The following PAX8 variants were observed in gnomAD, a reference collection of about 807,000 sequenced individuals.
PAX8 encodes paired box 8.
PAX8 carries 15 observed loss-of-function variants against 52.4 expected under a neutral mutation model. The observed-to-expected ratio is 0.29, with a 90% CI of 0.19 to 0.44. The LOEUF is 0.44. PAX8 is among the 20% of genes least tolerant of loss of function. PAX8 has a pLI of 1.00. For missense variants in PAX8, 554 were observed against 602.5 expected (o/e 0.92, Z 0.84); for synonymous variants, 284 against 249.7 (o/e 1.14, Z -1.29).
intron 2 of PAX8, chr2:113,270,539 A>G (rs1693399094): frequency 6.6e-6 from 1 of 152,168 alleles, no homozygotes; most frequent in Non-Finnish European, 1.5e-5. Flanking sequence ...TTCTCTTGAC[A>G]CCTCATGGCC....
At chr2:113,262,533 G>A (rs1378573163) in intron 2 of PAX8, among the ~76,000 whole-genome samples, 3 of 152,126 alleles carry the variant, frequency 2.0e-5, no homozygotes, top group South Asian at 2.1e-4. Context: ...GGACTGAAAC[G>A]GACTAAGGAG....
At chr2:113,236,857 C>T (rs1460136886) in intron 7 of PAX8, 136 bp from the exon 8 acceptor site, 4 of 993,736 alleles carry the variant, frequency 4.0e-6, no homozygotes, top group East Asian at 2.8e-5. Context: ...TCTTCCTTTA[C>T]GTTCTCAACT....
Position 113,235,576 on chromosome 2 carries a change from T to G in PAX8, c.905A>C (p.His302Pro), listed in dbSNP as rs758700197. 6.2e-7 allele frequency: 1 copy of G among 1,608,312 alleles called. No homozygotes were observed. The highest frequency in any genetic ancestry group is 8.5e-7 in the Non-Finnish European group (1 of 1,176,606). Reference protein sequence around the residue: ...HQTYPVVADPHSPFAIKQETP... With the variant: ...HQTYPVVADPPSPFAIKQETP... ...TTCCTGCTTTATGGCGAAGGGTGAG[T>G]GAGGATCTGCCGGAGGGAGGGAGAC... The change falls in exon 9 of 12, where the codon CAC becomes CCC. Residue 302 changes from histidine to proline, a missense_variant. His to Pro is a moderately conservative substitution (Grantham distance 77). This residue lies in a region of PAX8 where 445 missense variants were observed against 409.9 expected (regional missense o/e 1.09). Transcript: ENST00000429538.
At chr2:113,228,454 G>A (rs1253027389) in intron 9 of PAX8, among the ~76,000 whole-genome samples, 3 of 152,258 alleles carry the variant, frequency 2.0e-5, no homozygotes, top group African/African-American at 7.2e-5. Context: ...ATGTTAGGCT[G>A]CACAATTCTT....
chr2:113,254,771 T>C (rs1265920715), intron 2 of PAX8, among the ~76,000 whole-genome samples: 2 of 152,182 alleles, frequency 1.3e-5, no homozygotes, highest in African/African-American at 4.8e-5. Flanking sequence ...TTGCCATTCT[T>C]TCGCTGCATC....
chr2:113,220,015 A>C (rs1442196807), intron 11 of PAX8, 77 bp downstream of exon 11: 3 of 1,009,588 alleles, frequency 3.0e-6, no homozygotes, highest in East Asian at 5.2e-5. Flanking sequence ...GCTTTCAGGT[A>C]ACCTTTGACC....
In PAX8 at chr2:113,216,224, T is replaced by C. The variant is rs1077855; in HGVS notation, c.*2309A>G. On this transcript the variant is annotated 3_prime_UTR_variant, in exon 12 of 12. Transcript: ENST00000429538. ...AGATGTCATGGATTCGGAGTCGCGCTGCAGAGGGAAGTTCTGCCATTGAAA... is the reference window on the plus strand; with the variant it reads ...AGATGTCATGGATTCGGAGTCGCGCCGCAGAGGGAAGTTCTGCCATTGAAA... 175,669 of 230,346 alleles carry C rather than the reference T, an allele frequency of 0.76. 67,340 individuals carry two copies. Among genetic ancestry groups the C allele is most frequent in the East Asian group, 0.94 (15,274 of 16,244 alleles). The allele number at this position is 230,346 out of a possible 1,614,324, so 14.3% of individuals were successfully genotyped here. A position where few individuals can be genotyped will look rare whatever the true frequency, so the allele number is the denominator to read the frequency against.
At chr2:113,231,465 A>T (rs977853344) in intron 9 of PAX8, among the ~76,000 whole-genome samples, 1 of 152,260 alleles carries the variant, frequency 6.6e-6, no homozygotes, top group African/African-American at 2.4e-5. Context: ...GCTGAGACTC[A>T]GAAGGATAGT....
At chr2:113,238,299 T>G (rs1327337850) in intron 7 of PAX8, 1 of 152,376 alleles carries the variant, frequency 6.6e-6, no homozygotes, top group Non-Finnish European at 1.5e-5. Context: ...CTTAAACTCC[T>G]GACCTCATGA....
chr2:113,265,044 G>C (rs1222831506), intron 2 of PAX8, among the ~76,000 whole-genome samples: 2 of 152,224 alleles, frequency 1.3e-5, no homozygotes, highest in Non-Finnish European at 2.9e-5. Flanking sequence ...AAAAGGAAGT[G>C]CAAGGAGAAA....
At position 113,252,209 on chromosome 2, in the gene PAX8, G is replaced by C. The variant is rs886162289; in HGVS notation, c.26-5290C>G. On this transcript the variant is annotated intron_variant, in intron 2 of 11. Coordinates refer to ENST00000429538, the MANE Select transcript of PAX8 (RefSeq NM_003466.4). ...AAGGTGATAGCTGAGCCTTGGCAGGGCTATAGTGAGAGGTGCAGTGGCCTC... is the reference window on the plus strand; with the variant it reads ...AAGGTGATAGCTGAGCCTTGGCAGGCCTATAGTGAGAGGTGCAGTGGCCTC... 2.6e-5 allele frequency among the ~76,000 whole-genome samples: 4 copies of C among 152,192 alleles called. No individual in the cohort carries two copies. The East Asian group carries it at 7.7e-4, about 29-fold the overall frequency.
At position 113,235,464 on chromosome 2, in the gene PAX8, G is replaced by C. The variant is rs761250150; in HGVS notation, c.1017C>G (p.Val339=). The change falls in exon 9 of 12, where the codon GTC becomes GTG. Residue 339 remains valine, a synonymous_variant. Coordinates refer to ENST00000429538, the MANE Select transcript of PAX8 (RefSeq NM_003466.4). ...CATGGGGAAAGGCATTGAAGGGCGG[G>C]ACCCCGGAGCCGACTTGCTGCAGAT... ...FLDLQQVGSG[V]PPFNAFPHAA... is the part of the protein sequence containing the mutation. 2.5e-6 allele frequency: 4 copies of C among 1,612,522 alleles called. No individual in the cohort carries two copies. The highest frequency in any genetic ancestry group is 2.2e-5 in the East Asian group (1 of 44,854).
intron 10 of PAX8, 49 bp downstream of exon 10, chr2:113,227,106 C>T (rs1460732015): frequency 1.9e-6 from 3 of 1,544,974 alleles, no homozygotes; most frequent in Admixed American, 2.0e-5. Context: ...CACCTTGCTC[C>T]AATACTTCCT....
rs973658420 is a variant in PAX8 at position 113,220,034 on chromosome 2, C to A, written c.1276+58G>T. Reference sequence around the variant, plus strand: ...TCAGGTAACCTTTGACCCACCCTTGCCCCCCACCACTCCATCCATCCTGCC... The same window carrying A: ...TCAGGTAACCTTTGACCCACCCTTGACCCCCACCACTCCATCCATCCTGCC... On this transcript the variant is annotated intron_variant, in intron 11 of 11. Coordinates refer to ENST00000429538, the MANE Select transcript of PAX8 (RefSeq NM_003466.4). 14 of 1,289,588 alleles carry A rather than the reference C, an allele frequency of 1.1e-5. 1 individual carries two copies. The highest frequency in any genetic ancestry group is 3.6e-4 in the Middle Eastern group (2 of 5,504). The allele number at this position is 1,289,588 out of a possible 1,614,324, so 79.9% of individuals were successfully genotyped here.
chr2:113,242,189 G>A, intron 5 of PAX8, 59 bp from the exon 6 acceptor site: 1 of 1,522,450 alleles, frequency 6.6e-7, no homozygotes, highest in East Asian at 2.3e-5. Flanking sequence ...ACAGCCCTGG[G>A]TGACTCTGGG....
chr2:113,255,299 AGGGGAGGAGG>A (rs1692168109), intron 2 of PAX8: 2 of 7,636 alleles, frequency 2.6e-4, no homozygotes, highest in Admixed American at 4.0e-3. Flanking sequence ...GGGAGGAGGG[AGGGGAGGAGG>A]GAGGGGAGGA....
intron 9 of PAX8, among the ~76,000 whole-genome samples, chr2:113,228,178 T>C (rs891493041): frequency 1.3e-5 from 2 of 152,086 alleles, no homozygotes; most frequent in African/African-American, 4.8e-5. Context: ...ACAATGAACA[T>C]AAACATGATC....
At chr2:113,240,122 C>G (rs560447083) in intron 7 of PAX8, 1 of 152,312 alleles carries the variant, frequency 6.6e-6, no homozygotes, top group Non-Finnish European at 1.5e-5. Context: ...TGCCTGCACA[C>G]TGAGTTTTGC....
Position 113,246,825 on chromosome 2 carries a change from C to T in PAX8, c.120G>A (p.Gln40=), listed in dbSNP as rs770223070. The change falls in exon 3 of 12, where the codon CAG becomes CAA. Residue 40 remains glutamine (Q), a synonymous_variant. Transcript: ENST00000429538. ...VRQRIVDLAH[Q]GVRPCDISRQ... is the part of the protein sequence containing the mutation. ...GAGAGATGTCGCAGGGCCTTACACC[C>T]TGGTGGGCCAGGTCTACGATGCGCT... 2.5e-6 allele frequency: 4 copies of T among 1,614,258 alleles called. No individual in the cohort carries two copies. Among genetic ancestry groups the T allele is most frequent in the Non-Finnish European group, 3.4e-6 (4 of 1,180,040 alleles).
Sources: allele counts gnomAD v4.1 joint callset (sites outside exome capture counted in the v4.1 genomes callset), GRCh38; gene constraint gnomAD v4.1.1; regional missense constraint gnomAD v4.1.1; transcripts MANE v1.5; gene names NCBI Gene and HGNC (gene_info 2026-07-23, HGNC 2026-07-21).